Variants in TAPBP observed in about 807,000 individuals in gnomAD.
TAPBP encodes the protein tapasin.
In TAPBP, 38 loss-of-function variants were observed where a neutral mutation model predicts 45.7. That is an observed-to-expected ratio of 0.83 (90% CI 0.64 to 1.09). TAPBP has a LOEUF of 1.09. Ranked by LOEUF, TAPBP falls within the 50% of genes least tolerant of loss-of-function variation. TAPBP has a pLI of 0.00. For missense variants in TAPBP, 513 were observed against 587.3 expected (o/e 0.87, Z 1.31); for synonymous variants, 226 against 254.8 (o/e 0.89, Z 1.08).
rs540386359 is a variant in TAPBP, at chr6:33,302,784, T to G, written c.1336-1013A>C. Reference sequence around the variant, plus strand: ...CCCCAGTCTCCCGAGTAGCTGGGATTACAGGTGCCGTCACATCTGGCTAAT... The same window carrying G: ...CCCCAGTCTCCCGAGTAGCTGGGATGACAGGTGCCGTCACATCTGGCTAAT... On this transcript the variant is annotated intron_variant, in intron 7 of 7. Transcript: ENST00000434618. Among the ~76,000 whole-genome samples, 45 of 151,916 alleles carry G rather than the reference T, an allele frequency of 3.0e-4. No individual in the cohort carries two copies. The East Asian group carries it at 8.7e-3, about 29-fold the overall frequency.
rs1479415145 is a variant in TAPBP, at chr6:33,304,654, G to A, written c.869-16C>T. ...TTGGGGGGTTCTGGGGAAAGAGGAC[G>A]AAATGAGCATAGGGAAATCAGTCCA... On this transcript the variant is annotated splice_polypyrimidine_tract_variant and intron_variant, in intron 4 of 7. Transcript: ENST00000434618. 10 of 1,547,530 alleles carry A rather than the reference G, an allele frequency of 6.5e-6. No homozygotes were observed. The highest frequency in any genetic ancestry group is 2.3e-5 in the East Asian group (1 of 44,348).
Position 33,304,236 on chromosome 6 carries a change from G to A in TAPBP, c.1211-19C>T, listed in dbSNP as rs1027267120. ...GAAAGACCTGGCAGGCAGAAGGGGTGAGAGTGAGCTCCTGTCTTCCTGGGT... is the reference window on the plus strand; with the variant it reads ...GAAAGACCTGGCAGGCAGAAGGGGTAAGAGTGAGCTCCTGTCTTCCTGGGT... On this transcript the variant is annotated intron_variant, in intron 5 of 7. Transcript: ENST00000434618. The A allele has an allele frequency of 6.2e-6, 10 of 1,611,652 alleles. No individual in the cohort carries two copies. Among genetic ancestry groups the A allele is most frequent in the East Asian group, 2.2e-5 (1 of 44,852 alleles).
chr6:33,313,694 C>T lies in TAPBP; in HGVS notation c.208G>A (p.Asp70Asn). The T allele has an allele frequency of 6.2e-7, 1 of 1,612,144 alleles. No homozygotes were observed. The highest frequency in any genetic ancestry group is 8.5e-7 in the Non-Finnish European group (1 of 1,179,264). Residue 70 changes from aspartate to asparagine, a missense_variant and splice_region_variant, in exon 2 of 8, where the codon GAC becomes AAC. By Grantham distance (23) the Asp-to-Asn change is conservative. Transcript: ENST00000434618. The surrounding 1 kb of genome is among the most constrained non-coding windows in gnomAD (Gnocchi z 7.2). The stretch of plus-strand genomic sequence containing the variant: ...GGGCGGCGAGTCCCTAGAGACTCAC[C>T]GTGTACACTGAGATAGAGCTCAGGG... ...LDPELYLSVH[D>N]PAGALQAAFR...
chr6:33,313,054 C>T lies in TAPBP; in HGVS notation c.469+163G>A. The stretch of plus-strand genomic sequence containing the variant: ...TTAACTGGGTGAGGGCTAGAAGGAG[C>T]GGTAGAGATTGATTCATTCTAGCCA... On this transcript the variant is annotated intron_variant, in intron 3 of 7. Transcript: ENST00000434618. The surrounding 1 kb of genome is among the most constrained non-coding windows in gnomAD (Gnocchi z 7.2). 4.4e-6 allele frequency: 3 copies of T among 688,604 alleles called. No individual in the cohort carries two copies. The highest frequency in any genetic ancestry group is 4.6e-6 in the Non-Finnish European group (2 of 439,442). The allele number at this position is 688,604 out of a possible 1,614,324, so 42.7% of individuals were successfully genotyped here.
chr6:33,307,917 C>G (rs1769082471), intron 3 of TAPBP, among the ~76,000 whole-genome samples: 1 of 152,130 alleles, frequency 6.6e-6, no homozygotes, highest in Non-Finnish European at 1.5e-5. Context: ...TTTTCATTAC[C>G]TTCATCACTA....
At position 33,304,585 on chromosome 6, in the gene TAPBP, C is replaced by A; in HGVS notation, c.922G>T (p.Glu308Ter). Residue 308 changes from glutamate (E) to a stop codon, truncating the protein, a stop_gained, in exon 5 of 8, where the codon GAG becomes TAG. Coordinates refer to ENST00000434618, the MANE Select transcript of TAPBP (RefSeq NM_003190.5). LOFTEE classifies it high-confidence loss of function. ...PATLARAAPG[E>*]APPELLCLVS... The stretch of plus-strand genomic sequence containing the variant: ...AGGCAGAGCAATTCCGGGGGTGCCT[C>A]CCCTGGGGCGGCCCGTGCAAGGGTT... 6.2e-7 allele frequency: 1 copy of A among 1,600,186 alleles called. No individual in the cohort carries two copies. Among genetic ancestry groups the A allele is most frequent in the Non-Finnish European group, 8.5e-7 (1 of 1,178,012 alleles).
chr6:33,304,698 A>T, intron 4 of TAPBP, 60 bp from the exon 5 acceptor site: 1 of 1,488,716 alleles, frequency 6.7e-7, no homozygotes, highest in Non-Finnish European at 8.9e-7. Context: ...TCCCTAAGAG[A>T]CCCTCAGTTT....
At position 33,313,736 on chromosome 6, in the gene TAPBP, G is replaced by C. The variant is rs1035320527; in HGVS notation, c.166C>G (p.Pro56Ala). 4.3e-6 allele frequency: 7 copies of C among 1,613,482 alleles called. No individual in the cohort carries two copies. Among genetic ancestry groups the C allele is most frequent in the Non-Finnish European group, 5.9e-6 (7 of 1,179,994 alleles). Reference protein sequence around the residue: ...LLRQGPGEPPPRPDLDPELYL... With the variant: ...LLRQGPGEPPARPDLDPELYL... ...AGCTCAGGGTCGAGGTCCGGCCGGGGCGGCGGTTCCCCCGGTCCCTGGCGC... is the reference window on the plus strand; with the variant it reads ...AGCTCAGGGTCGAGGTCCGGCCGGGCCGGCGGTTCCCCCGGTCCCTGGCGC... Residue 56 changes from proline to alanine, a missense_variant, in exon 2 of 8, where the codon CCC becomes GCC. By Grantham distance (27) the Pro-to-Ala change is conservative. Coordinates refer to ENST00000434618, the MANE Select transcript of TAPBP (RefSeq NM_003190.5). This position sits in a 1 kb window ranked among gnomAD's most constrained non-coding sequence, Gnocchi z 7.2.
chr6:33,304,111 G>T lies in TAPBP; in HGVS notation c.1300+17C>A. On this transcript the variant is annotated intron_variant, in intron 6 of 7. Coordinates refer to ENST00000434618, the MANE Select transcript of TAPBP (RefSeq NM_003190.5). ...CCACCAACCTCAGGTCATGGTCAGG[G>T]TAGGGCTGACACTTACCAGCCCAGC... is the stretch of plus-strand genomic sequence containing the variant. The T allele has an allele frequency of 6.2e-7, 1 of 1,612,796 alleles. No homozygotes were observed. The highest frequency in any genetic ancestry group is 8.5e-7 in the Non-Finnish European group (1 of 1,179,450).
chr6:33,302,547 G>A lies in TAPBP; in HGVS notation c.1336-776C>T, dbSNP rs556708306. Among the ~76,000 whole-genome samples, 7 of 152,138 alleles carry A rather than the reference G, an allele frequency of 4.6e-5. No individual in the cohort carries two copies. In the East Asian group the frequency reaches 1.2e-3, roughly 25 times the overall value. On this transcript the variant is annotated intron_variant, in intron 7 of 7. Coordinates refer to ENST00000434618, the MANE Select transcript of TAPBP (RefSeq NM_003190.5). ...TCACCATGTTGGCCAGGCTGGTCTTGAACTCCTGACCTCAGGTGATCCGCC... is the reference window on the plus strand; with the variant it reads ...TCACCATGTTGGCCAGGCTGGTCTTAAACTCCTGACCTCAGGTGATCCGCC...
chr6:33,312,455 G>A (rs1769416553), intron 3 of TAPBP, among the ~76,000 whole-genome samples: 1 of 152,184 alleles, frequency 6.6e-6, no homozygotes, highest in African/African-American at 2.4e-5. Flanking sequence ...CGCCTCCGCT[G>A]CCAGGAGGGA....
chr6:33,313,999 G>C lies in TAPBP; in HGVS notation c.37+6C>G, dbSNP rs1380512423. 6.2e-7 allele frequency: 1 copy of C among 1,613,740 alleles called. No individual in the cohort carries two copies. Among genetic ancestry groups the C allele is most frequent in the Non-Finnish European group, 8.5e-7 (1 of 1,180,024 alleles). On this transcript the variant is annotated splice_donor_region_variant and intron_variant, in intron 1 of 7. Coordinates refer to ENST00000434618, the MANE Select transcript of TAPBP (RefSeq NM_003190.5). The surrounding 1 kb of genome is among the most constrained non-coding windows in gnomAD (Gnocchi z 7.2). ...TCTTGGGCGATGAGTCGCGGGGTTC[G>C]CTCACCCAAAGCCACAGCGAGGAGC... is the stretch of plus-strand genomic sequence containing the variant.
In TAPBP at chr6:33,302,606, C is replaced by T. The variant is rs546102565; in HGVS notation, c.1336-835G>A. ...CCTCCCAAAGTGCTAGGATTACAGG[C>T]GTGAACCAACGCACCTGGCCAAGAC... On this transcript the variant is annotated intron_variant, in intron 7 of 7. Transcript: ENST00000434618. 1.4e-4 allele frequency among the ~76,000 whole-genome samples: 21 copies of T among 151,206 alleles called. 1 individual carries two copies. In the East Asian group the frequency reaches 3.9e-3, roughly 28 times the overall value.
chr6:33,304,701 C>G, intron 4 of TAPBP, 63 bp from the exon 5 acceptor site: 1 of 1,481,148 alleles, frequency 6.8e-7, no homozygotes, highest in South Asian at 1.4e-5. Context: ...CTAAGAGACC[C>G]TCAGTTTGCC....
At chr6:33,313,000 A>C (rs1581756847) in intron 3 of TAPBP, 2 of 458,036 alleles carry the variant, frequency 4.4e-6, no homozygotes, top group Admixed American at 4.1e-5. Flanking sequence ...CCCCCTGCCA[A>C]GCTGCAGTTT....
chr6:33,304,684 G>A, intron 4 of TAPBP, 46 bp from the exon 5 acceptor site: 1 of 1,508,320 alleles, frequency 6.6e-7, no homozygotes, highest in African/African-American at 1.4e-5. Flanking sequence ...AGTCCATACT[G>A]TCCTCCCTAA....
rs149743543 is a variant in TAPBP, at chr6:33,304,423, G to A, written c.1084C>T (p.Leu362Phe). 2 of 1,612,156 alleles carry A rather than the reference G, an allele frequency of 1.2e-6. No individual in the cohort carries two copies. Among genetic ancestry groups the A allele is most frequent in the African/African-American group, 2.7e-5 (2 of 74,900 alleles). The change falls in exon 5 of 8, where the codon CTC becomes TTC. Residue 362 changes from leucine (L) to phenylalanine (F), a missense_variant. Physicochemically the swap from Leu to Phe is conservative, Grantham distance 22. Transcript: ENST00000434618. ...LRHHSDGSVS[L>F]SGHLQPPPVT... is the part of the protein sequence containing the mutation. ...GGGGGCGGCTGCAAGTGCCCAGAGAGGCTGACAGAGCCATCGGAATGGTGG... is the reference window on the plus strand; with the variant it reads ...GGGGGCGGCTGCAAGTGCCCAGAGAAGCTGACAGAGCCATCGGAATGGTGG...
In TAPBP at chr6:33,313,759, C is replaced by T. The variant is rs145263363; in HGVS notation, c.143G>A (p.Arg48His). ...GGGCGGCGGTTCCCCCGGTCCCTGG[C>T]GCAACAGCAGTGCACCGGGTCTCTT... ...LAKRPGALLLRQGPGEPPPRP... is the reference protein window; with the variant it reads ...LAKRPGALLLHQGPGEPPPRP... The change falls in exon 2 of 8, where the codon CGC (arginine) becomes CAC (histidine). Residue 48 changes from arginine (R) to histidine (H), a missense_variant. Coordinates refer to ENST00000434618, the MANE Select transcript of TAPBP (RefSeq NM_003190.5). This position sits in a 1 kb window ranked among gnomAD's most constrained non-coding sequence, Gnocchi z 7.2. 1.9e-6 allele frequency: 3 copies of T among 1,613,572 alleles called. No homozygotes were observed. The highest frequency in any genetic ancestry group is 2.7e-5 in the African/African-American group (2 of 74,896).
At position 33,301,496 on chromosome 6, in the gene TAPBP, C is replaced by A. The variant is rs780683171; in HGVS notation, c.*264G>T. ...GGCTGAAGCCACAGAATTGCTTGAA[C>A]CCAGGAGGCGGAGGTTGCAGTAAGC... On this transcript the variant is annotated 3_prime_UTR_variant, in exon 8 of 8. Coordinates refer to ENST00000434618, the MANE Select transcript of TAPBP (RefSeq NM_003190.5). 3 of 476,834 alleles carry A rather than the reference C, an allele frequency of 6.3e-6. No homozygotes were observed. Among genetic ancestry groups the A allele is most frequent in the Non-Finnish European group, 1.1e-5 (3 of 269,218 alleles). The allele number at this position is 476,834 out of a possible 1,614,324, so 29.5% of individuals were successfully genotyped here.
Sources: gnomAD v4.1 joint callset for allele counts (sites outside exome capture counted in the v4.1 genomes callset) on GRCh38, gnomAD v4.1.1 for gene constraint, Gnocchi (gnomAD v3.1) non-coding constraint, MANE v1.5 for transcripts, NCBI Gene and HGNC (gene_info 2026-07-23, HGNC 2026-07-21) for gene names.